GALC: variants seen among roughly 807,000 people sequenced by gnomAD.
GALC encodes galactosylceramidase.
In GALC, 77 loss-of-function variants were observed where a neutral mutation model predicts 91.8. That is an observed-to-expected ratio of 0.84 (90% CI 0.70 to 1.01). GALC has a LOEUF of 1.01. Among genes scored for constraint, GALC ranks in the 50% least tolerant of loss-of-function variants. GALC has a pLI of 0.00. For synonymous variants in GALC, 357 were observed against 306.7 expected (o/e 1.16, Z -1.71); for missense variants, 882 against 855.9 (o/e 1.03, Z -0.38).
chr14:87,988,699 T>C (rs1335541304), intron 1 of GALC, among the ~76,000 whole-genome samples, 176 bp from the exon 2 acceptor site: 1 of 151,962 alleles, frequency 6.6e-6, no homozygotes, highest in East Asian at 1.9e-4. Context: ...ATTGGGCAAG[T>C]AGGGCTGCTG....
intron 5 of GALC, among the ~76,000 whole-genome samples, chr14:87,983,502 A>T (rs1307933885): frequency 6.6e-6 from 1 of 152,204 alleles, no homozygotes; most frequent in Non-Finnish European, 1.5e-5. Flanking sequence ...ACTGAACACA[A>T]GAGCTTATTA....
chr14:87,952,972 T>C, intron 10 of GALC: 1 of 954,326 alleles, frequency 1.0e-6, no homozygotes, highest in Non-Finnish European at 1.7e-6. Context: ...GGTCAGAACT[T>C]TCACTCAAAT....
chr14:87,981,016 A>G (rs1025488502), intron 6 of GALC, among the ~76,000 whole-genome samples: 1 of 152,224 alleles, frequency 6.6e-6, no homozygotes, highest in Non-Finnish European at 1.5e-5. Context: ...GATACCCAGT[A>G]GCAGGATTGA....
chr14:87,940,982 C>T (rs918722838), intron 15 of GALC, among the ~76,000 whole-genome samples: 1 of 151,882 alleles, frequency 6.6e-6, no homozygotes, highest in African/African-American at 2.4e-5. Flanking sequence ...GAGATTTTTC[C>T]ATTTTAAGCC....
intron 1 of GALC, chr14:87,992,431 G>C: frequency 6.5e-7 from 1 of 1,535,364 alleles, no homozygotes; most frequent in Non-Finnish European, 8.7e-7. Context: ...ATCCTATTCG[G>C]CGCTACCCTC....
chr14:87,967,016 A>T (rs1886083431), intron 8 of GALC, among the ~76,000 whole-genome samples: 2 of 152,180 alleles, frequency 1.3e-5, no homozygotes, highest in Admixed American at 1.3e-4. Flanking sequence ...TCTGATTCAC[A>T]ATGTCTGGGC....
chr14:87,991,073 G>C (rs1216542589), intron 1 of GALC, among the ~76,000 whole-genome samples: 1 of 152,208 alleles, frequency 6.6e-6, no homozygotes, highest in Non-Finnish European at 1.5e-5. Flanking sequence ...GTGAGGCAGA[G>C]AGGAGTTATA....
At position 87,950,786 on chromosome 14, in the gene GALC, T is replaced by C. The variant is rs752145215; in HGVS notation, c.1162-38A>G. On this transcript the variant is annotated intron_variant, in intron 10 of 16. Transcript: ENST00000261304. ...AATCACATACATTATCCAAATGATG[T>C]ATAAGCTACCTTAGGGGAAAAAAAG... 16 of 1,396,770 alleles carry C rather than the reference T, an allele frequency of 1.1e-5. No homozygotes were observed. The South Asian group carries it at 1.8e-4, about 15-fold the overall frequency. 86.5% of individuals were successfully genotyped at this position (1,396,770 alleles called of 1,614,324 possible).
At chr14:87,969,848 A>G (rs17760679) in intron 7 of GALC, among the ~76,000 whole-genome samples, 17,188 of 152,200 alleles carry the variant, frequency 0.11, 1,144 homozygotes, top group Non-Finnish European at 0.16. Flanking sequence ...TTTCATGAGT[A>G]AGAAAATAAT....
chr14:87,983,912 G>A (rs1378218538), intron 5 of GALC, among the ~76,000 whole-genome samples: 1 of 152,120 alleles, frequency 6.6e-6, no homozygotes, highest in Non-Finnish European at 1.5e-5. Context: ...ATTTTAAATG[G>A]CTATATATTT....
At chr14:87,949,155 G>C (rs540511308) in intron 12 of GALC, among the ~76,000 whole-genome samples, 83 of 152,030 alleles carry the variant, frequency 5.5e-4, no homozygotes, top group Middle Eastern at 3.4e-3. Flanking sequence ...AGATGACAAA[G>C]TTGAGGAGAG....
At chr14:87,979,173 T>C (rs2140022461) in intron 6 of GALC, among the ~76,000 whole-genome samples, 1 of 152,162 alleles carries the variant, frequency 6.6e-6, no homozygotes, top group South Asian at 2.1e-4. Context: ...TACAGGCGTC[T>C]GCCACCATGC....
intron 6 of GALC, among the ~76,000 whole-genome samples, chr14:87,979,228 T>C (rs10129418): frequency 0.18 from 27,975 of 151,914 alleles, 3,707 homozygotes; most frequent in African/African-American, 0.37. Context: ...GGTTTCACCA[T>C]GTTGGTCTGG....
At chr14:87,959,987 G>A (rs1885728925) in intron 10 of GALC, among the ~76,000 whole-genome samples, 1 of 152,076 alleles carries the variant, frequency 6.6e-6, no homozygotes, top group Non-Finnish European at 1.5e-5. Flanking sequence ...ACAAATGGAG[G>A]AATATGGAGG....
intron 14 of GALC, 110 bp from the exon 15 acceptor site, chr14:87,941,668 T>C (rs1230412211): frequency 1.2e-6 from 1 of 823,452 alleles, no homozygotes; most frequent in Non-Finnish European, 2.1e-6. Flanking sequence ...GAGGTGAGAA[T>C]GTGATTTGCT....
In GALC at chr14:87,984,492, C is replaced by T. The variant is rs534598133; in HGVS notation, c.484G>A (p.Asp162Asn). The T allele has an allele frequency of 5.6e-6, 9 of 1,614,110 alleles. No individual in the cohort carries two copies. In the East Asian group the frequency reaches 1.3e-4, roughly 24 times the overall value. Residue 162 changes from aspartate (D) to asparagine (N), a missense_variant, in exon 5 of 17, where the codon GAC (aspartate) becomes AAC (asparagine). Transcript: ENST00000261304. ...SFPGWLGKGF[D>N]WPYVNLQLTA... ...AGCTGAAGATTGACATAAGGCCAGT[C>T]GAAACCTTTTCCCAGCCATCCAGGG...
chr14:87,983,503 G>C (rs17203398), intron 5 of GALC, among the ~76,000 whole-genome samples: 55,819 of 151,970 alleles, frequency 0.37, 11,008 homozygotes, highest in East Asian at 0.76. Flanking sequence ...CTGAACACAA[G>C]AGCTTATTAA....
chr14:87,962,624 C>T (rs1001176412), intron 10 of GALC, among the ~76,000 whole-genome samples: 1 of 132,432 alleles, frequency 7.6e-6, no homozygotes, highest in Non-Finnish European at 1.6e-5. Flanking sequence ...CACACACACA[C>T]CATTTTTTTA....
At chr14:87,959,223 C>T (rs867866061) in intron 10 of GALC, among the ~76,000 whole-genome samples, 6 of 152,098 alleles carry the variant, frequency 3.9e-5, no homozygotes, top group African/African-American at 1.2e-4. Flanking sequence ...TGAAAAAATA[C>T]TCAACATCAC....
Sources: gnomAD v4.1 joint callset for allele counts (sites outside exome capture counted in the v4.1 genomes callset) on GRCh38, gnomAD v4.1.1 for gene constraint, MANE v1.5 for transcripts, NCBI Gene and HGNC (gene_info 2026-07-23, HGNC 2026-07-21) for gene names.